The following ARHGAP8 variants were observed in gnomAD, a reference collection of about 807,000 sequenced individuals.
The protein encoded by ARHGAP8 is rho GTPase-activating protein 8.
In ARHGAP8, 62 loss-of-function variants were observed where a neutral mutation model predicts 46.1. The observed-to-expected ratio is 1.34, with a 90% CI of 1.10 to 1.66. The LOEUF (loss-of-function observed/expected upper bound fraction) is 1.66. ARHGAP8 is among the 40% of genes most tolerant of loss of function. The pLI, the probability that ARHGAP8 is intolerant of heterozygous loss-of-function variation, is 0.00. For synonymous variants in ARHGAP8, 375 were observed against 243.1 expected (o/e 1.54, Z -5.05); for missense variants, 923 against 568.4 (o/e 1.62, Z -6.34).
chr22:44,754,430 A>C (rs1294517295), intron 1 of ARHGAP8, among the ~76,000 whole-genome samples: 1 of 151,380 alleles, frequency 6.6e-6, no homozygotes, highest in East Asian at 1.9e-4. Context: ...ATCTCAGCTC[A>C]CTGCAACCTC....
chr22:44,823,345 A>T (rs1005564895), intron 6 of ARHGAP8, among the ~76,000 whole-genome samples: 2 of 152,162 alleles, frequency 1.3e-5, no homozygotes, highest in African/African-American at 4.8e-5. Context: ...GGTAGCTCTT[A>T]AAGTGAGTTT....
intron 7 of ARHGAP8, among the ~76,000 whole-genome samples, chr22:44,833,332 C>G (rs1931086743): frequency 6.6e-6 from 1 of 150,960 alleles, no homozygotes; most frequent in Admixed American, 6.7e-5. Context: ...ATTTCTATTT[C>G]TAGTTTGTTG....
At chr22:44,781,158 C>T (rs747039075) in intron 1 of ARHGAP8, among the ~76,000 whole-genome samples, 2 of 152,188 alleles carry the variant, frequency 1.3e-5, no homozygotes, top group Non-Finnish European at 2.9e-5. Context: ...CGACCCGCCG[C>T]TCTGGAAGAA....
intron 2 of ARHGAP8, among the ~76,000 whole-genome samples, chr22:44,796,482 T>TG (rs1419666424): frequency 8.8e-6 from 1 of 114,204 alleles, no homozygotes; most frequent in Non-Finnish European, 1.8e-5. Flanking sequence ...ATGGCGGGGG[T>TG]GGGGGGCTCT....
chr22:44,795,970 T>C (rs1421035771), intron 2 of ARHGAP8, among the ~76,000 whole-genome samples: 1 of 152,098 alleles, frequency 6.6e-6, no homozygotes, highest in Non-Finnish European at 1.5e-5. Context: ...TCCCTACTCC[T>C]TTCCATGTCT....
In ARHGAP8 at chr22:44,842,343, C is replaced by T. The variant is rs148963861; in HGVS notation, c.597-2926C>T. Among the ~76,000 whole-genome samples, 1,472 of 152,072 alleles carry T rather than the reference C, an allele frequency of 9.7e-3. 36 individuals carry two copies. The highest frequency in any genetic ancestry group is 0.034 in the African/African-American group (1,421 of 41,458). ...CTGCACTCCAGCCTGGGGGACAGAG[C>T]GAGACTCCATCTCAAAACAAACAAA... On this transcript the variant is annotated intron_variant, in intron 7 of 11. Transcript: ENST00000356099.
At chr22:44,764,935 G>A (rs963666217) in intron 1 of ARHGAP8, among the ~76,000 whole-genome samples, 2 of 152,214 alleles carry the variant, frequency 1.3e-5, no homozygotes, top group Non-Finnish European at 2.9e-5. Flanking sequence ...CACAAGGCCC[G>A]GATTATGTGG....
At chr22:44,856,513 A>G (rs1463205941) in intron 10 of ARHGAP8, among the ~76,000 whole-genome samples, 2 of 151,908 alleles carry the variant, frequency 1.3e-5, no homozygotes, top group Admixed American at 6.6e-5. Context: ...ATCTCAGGTG[A>G]TCCATCCGTC....
At chr22:44,789,117 C>T (rs758394990) in intron 2 of ARHGAP8, among the ~76,000 whole-genome samples, 8 of 152,044 alleles carry the variant, frequency 5.3e-5, no homozygotes, top group Non-Finnish European at 1.2e-4. Flanking sequence ...TTTTTGCTTC[C>T]TGTGTTTTGA....
intron 4 of ARHGAP8, chr22:44,809,351 G>A: frequency 2.7e-6 from 1 of 375,818 alleles, no homozygotes; most frequent in Non-Finnish European, 5.4e-6. Context: ...GCAGGAAGCA[G>A]GCTAGGTTCA....
chr22:44,861,254 T>A (rs1012287681), intron 11 of ARHGAP8, among the ~76,000 whole-genome samples: 5 of 152,156 alleles, frequency 3.3e-5, no homozygotes, highest in African/African-American at 7.2e-5. Flanking sequence ...ATTACAGGTG[T>A]GAGCCACTGC....
chr22:44,783,481 ATCAGGCAGGCTCGAC>A (rs1299647128), intron 1 of ARHGAP8, among the ~76,000 whole-genome samples: 1 of 152,106 alleles, frequency 6.6e-6, no homozygotes, highest in African/African-American at 2.4e-5. Flanking sequence ...TGGAAGCCCC[ATCAGGCAGGCTCGAC>A]TCAGGACATC....
At chr22:44,772,809 CT>C (rs5845668) in intron 1 of ARHGAP8, among the ~76,000 whole-genome samples, 2,738 of 112,960 alleles carry the variant, frequency 0.024, 30 homozygotes, top group African/African-American at 0.061. Context: ...CTCTCTCCCA[CT>C]TTTTTTTTTT....
intron 7 of ARHGAP8, among the ~76,000 whole-genome samples, chr22:44,826,883 G>C (rs1930559694): frequency 6.6e-6 from 1 of 152,184 alleles, no homozygotes; most frequent in Non-Finnish European, 1.5e-5. Context: ...ATTCGGCCCT[G>C]GGGACCTGCC....
chr22:44,773,323 G>A (rs1173277967), intron 1 of ARHGAP8, among the ~76,000 whole-genome samples: 1 of 152,184 alleles, frequency 6.6e-6, no homozygotes, highest in African/African-American at 2.4e-5. Context: ...GATGTCTCCT[G>A]TCTCAAGATG....
At chr22:44,799,643 T>C (rs1358793398) in intron 2 of ARHGAP8, among the ~76,000 whole-genome samples, 1 of 152,118 alleles carries the variant, frequency 6.6e-6, no homozygotes. Context: ...CTGCTGCCTG[T>C]ACCCCTTTGT....
intron 1 of ARHGAP8, among the ~76,000 whole-genome samples, chr22:44,762,182 G>T (rs1002419979): frequency 6.6e-6 from 1 of 152,204 alleles, no homozygotes; most frequent in Non-Finnish European, 1.5e-5. Flanking sequence ...TTGTGCCTGT[G>T]ATCCCAGTGA....
intron 10 of ARHGAP8, among the ~76,000 whole-genome samples, chr22:44,851,703 G>C (rs981753329): frequency 6.6e-6 from 1 of 152,088 alleles, no homozygotes; most frequent in African/African-American, 2.4e-5. Flanking sequence ...GGCTGGGCTT[G>C]GTAGTGTATG....
chr22:44,827,894 C>T (rs1930650123), intron 7 of ARHGAP8, among the ~76,000 whole-genome samples: 1 of 152,096 alleles, frequency 6.6e-6, no homozygotes, highest in Admixed American at 6.5e-5. Flanking sequence ...GGTGCCCCAG[C>T]GTCGGTCCCT....
Sources: gnomAD v4.1 joint callset for allele counts (sites outside exome capture counted in the v4.1 genomes callset) on GRCh38, gnomAD v4.1.1 for gene constraint, MANE v1.5 for transcripts, NCBI Gene and HGNC (gene_info 2026-07-23, HGNC 2026-07-21) for gene names.